The following ZNF407 variants were observed in gnomAD, a reference collection of about 807,000 sequenced individuals.
The protein encoded by ZNF407 is zinc finger protein 407.
In ZNF407, 17 loss-of-function variants were observed where a neutral mutation model predicts 131.2. That is an observed-to-expected ratio of 0.13 (90% CI 0.09 to 0.19). The LOEUF (loss-of-function observed/expected upper bound fraction) is 0.19. Ranked by LOEUF, ZNF407 falls within the 10% of genes least tolerant of loss-of-function variation. ZNF407 has a pLI of 1.00. For missense variants in ZNF407, 2,681 were observed against 2,830.6 expected (o/e 0.95, Z 1.20); for synonymous variants, 1,156 against 1,062.0 (o/e 1.09, Z -1.72).
intron 8 of ZNF407, among the ~76,000 whole-genome samples, chr18:75,026,942 C>T (rs1973178251): frequency 1.3e-5 from 2 of 152,182 alleles, no homozygotes; most frequent in South Asian, 2.1e-4. Context: ...CATCAGTAAA[C>T]ACTGTCATCC....
chr18:74,758,807 T>C (rs1969024469), intron 3 of ZNF407, among the ~76,000 whole-genome samples: 2 of 152,126 alleles, frequency 1.3e-5, no homozygotes, highest in Non-Finnish European at 2.9e-5. Flanking sequence ...CTCGAACTCC[T>C]GACCTCAAAT....
At chr18:74,779,109 A>ATATATATTTTTTTTTTTTTTTTT in intron 3 of ZNF407, among the ~76,000 whole-genome samples, 1 of 24,374 alleles carries the variant, frequency 4.1e-5, no homozygotes, top group Non-Finnish European at 7.2e-5. Context: ...ATATATATAT[A>ATATATATTTTTTTTTTTTTTTTT]TTTTTTTTTT....
chr18:74,895,637 C>T (rs1360178358), intron 7 of ZNF407, among the ~76,000 whole-genome samples: 2 of 152,122 alleles, frequency 1.3e-5, no homozygotes, highest in African/African-American at 2.4e-5. Context: ...TAAAATATCT[C>T]AGTTATAAAA....
intron 8 of ZNF407, among the ~76,000 whole-genome samples, chr18:74,948,908 GT>G (rs1972183609): frequency 6.6e-6 from 1 of 152,120 alleles, no homozygotes; most frequent in South Asian, 2.1e-4. Flanking sequence ...CTTTTAAGGT[GT>G]TTTATATAAA....
intron 4 of ZNF407, among the ~76,000 whole-genome samples, chr18:74,822,413 C>T (rs190166355): frequency 4.6e-5 from 7 of 152,264 alleles, no homozygotes; most frequent in Non-Finnish European, 1.0e-4. Context: ...ACTCTTAAGT[C>T]TTTAATTCAT....
chr18:74,670,036 T>C (rs1986081350), intron 3 of ZNF407, among the ~76,000 whole-genome samples: 1 of 152,228 alleles, frequency 6.6e-6, no homozygotes, highest in African/African-American at 2.4e-5. Flanking sequence ...TTTCTGATGT[T>C]CTCTGTAGTC....
intron 8 of ZNF407, among the ~76,000 whole-genome samples, chr18:75,028,244 C>T (rs1973194623): frequency 6.6e-6 from 1 of 152,196 alleles, no homozygotes; most frequent in South Asian, 2.1e-4. Flanking sequence ...TTTATTTTCT[C>T]ATCGTTTCGG....
intron 4 of ZNF407, among the ~76,000 whole-genome samples, chr18:74,787,629 A>G (rs1436160858): frequency 6.6e-6 from 1 of 152,198 alleles, no homozygotes; most frequent in East Asian, 1.9e-4. Context: ...ATGCGACATC[A>G]AATATCTGGA....
chr18:75,018,892 C>T (rs1973075342), intron 8 of ZNF407, among the ~76,000 whole-genome samples: 1 of 152,048 alleles, frequency 6.6e-6, no homozygotes, highest in Non-Finnish European at 1.5e-5. Context: ...AGAGAGCACA[C>T]ATATTAATAA....
At chr18:74,931,429 C>T (rs1251648442) in intron 8 of ZNF407, among the ~76,000 whole-genome samples, 1 of 152,118 alleles carries the variant, frequency 6.6e-6, no homozygotes, top group Non-Finnish European at 1.5e-5. Flanking sequence ...AGACGATACA[C>T]AAATGACCGG....
chr18:74,744,787 G>GTGTAATACATTGCTAA (rs145512409), intron 3 of ZNF407, among the ~76,000 whole-genome samples: 23,423 of 151,934 alleles, frequency 0.15, 3,419 homozygotes, highest in African/African-American at 0.38. Context: ...ATGTATTAGT[G>GTGTAATACATTGCTAA]TGTAATACAT....
chr18:74,701,315 T>C (rs1194480285), intron 3 of ZNF407, among the ~76,000 whole-genome samples: 1 of 152,238 alleles, frequency 6.6e-6, no homozygotes, highest in Non-Finnish European at 1.5e-5. Context: ...TGGATCAGTG[T>C]GTTGAGCATC....
chr18:74,758,170 C>G (rs577601154), intron 3 of ZNF407, among the ~76,000 whole-genome samples: 4 of 151,942 alleles, frequency 2.6e-5, no homozygotes, highest in Non-Finnish European at 5.9e-5. Flanking sequence ...TTTACACGTG[C>G]TATTTTGTGT....
intron 1 of ZNF407, among the ~76,000 whole-genome samples, chr18:74,614,077 C>T (rs1448451477): frequency 6.6e-6 from 1 of 152,074 alleles, no homozygotes; most frequent in African/African-American, 2.4e-5. Context: ...TATTGGATCA[C>T]TTATAAAATG....
At chr18:74,626,342 G>A (rs1354793207) in intron 1 of ZNF407, among the ~76,000 whole-genome samples, 1 of 152,174 alleles carries the variant, frequency 6.6e-6, no homozygotes, top group East Asian at 1.9e-4. Context: ...GCCCTATAAC[G>A]CAGCAGTATC....
chr18:74,997,380 T>C (rs563783509), intron 8 of ZNF407, among the ~76,000 whole-genome samples: 22 of 152,296 alleles, frequency 1.4e-4, no homozygotes, highest in Non-Finnish European at 2.9e-5. Context: ...ACCTGCCTGA[T>C]GGCTCTCCTG....
intron 7 of ZNF407, among the ~76,000 whole-genome samples, chr18:74,911,448 C>G (rs1971669177): frequency 1.3e-5 from 2 of 152,190 alleles, no homozygotes; most frequent in Admixed American, 1.3e-4. Flanking sequence ...TAAGCCAACC[C>G]ATACAGATAT....
rs1188030178 is a variant in ZNF407, at chr18:74,632,592, C to A, written c.1573C>A (p.Gln525Lys). 6.2e-7 allele frequency: 1 copy of A among 1,613,922 alleles called. No homozygotes were observed. ...GACAGTGAAGCCAGCTTCTGGCTCT[C>A]AGACGTTGTGTGCTTGTACAGACTG... ...SLTVKPASGSQTLCACTDCGQ... is the reference protein window; with the variant it reads ...SLTVKPASGSKTLCACTDCGQ... Residue 525 changes from glutamine to lysine, a missense_variant, in exon 2 of 9, where the codon CAG (glutamine) becomes AAG (lysine). Physicochemically the swap from Gln to Lys is moderately conservative, Grantham distance 53. This residue lies in a region of ZNF407 where 1,789 missense variants were observed against 1,748.7 expected (regional missense o/e 1.02). Transcript: ENST00000299687.
At chr18:74,848,677 T>C (rs1254071985) in intron 4 of ZNF407, among the ~76,000 whole-genome samples, 1 of 152,170 alleles carries the variant, frequency 6.6e-6, no homozygotes, top group Non-Finnish European at 1.5e-5. Flanking sequence ...TGGAGACACA[T>C]GGGCAAGAGT....
Sources: gnomAD v4.1 joint callset for allele counts (sites outside exome capture counted in the v4.1 genomes callset) on GRCh38, gnomAD v4.1.1 for gene constraint, gnomAD v4.1.1 regional missense constraint, MANE v1.5 for transcripts, NCBI Gene and HGNC (gene_info 2026-07-23, HGNC 2026-07-21) for gene names.